Variants in SPSB2 observed in about 807,000 individuals in gnomAD.
SPSB2 encodes splA/ryanodine receptor domain and SOCS box containing 2.
SPSB2 carries 25 observed loss-of-function variants against 19.2 expected under a neutral mutation model. The observed-to-expected ratio is 1.30, with a 90% CI of 0.95 to 1.82. The LOEUF is 1.82. Among genes scored for constraint, SPSB2 ranks in the 40% most tolerant of loss-of-function variants. The pLI, the probability that SPSB2 is intolerant of heterozygous loss-of-function variation, is 0.00. For synonymous variants in SPSB2, 153 were observed against 154.9 expected, an observed-to-expected ratio of 0.99 and a Z score of 0.09; for missense variants, 413 against 344.9, an observed-to-expected ratio of 1.20 and a Z score of -1.56.
At position 6,872,875 on chromosome 12, in the gene SPSB2, G is replaced by GC. The variant is rs1222214519; in HGVS notation, c.26dup (p.Ser10GlnfsTer13). The GC allele has an allele frequency of 6.3e-7, 1 of 1,589,886 alleles. No individual in the cohort carries two copies. Among genetic ancestry groups the GC allele is most frequent in the Non-Finnish European group, 8.6e-7 (1 of 1,164,338 alleles). On this transcript the variant is annotated frameshift_variant, in exon 2 of 3. Coordinates refer to ENST00000524270, the MANE Select transcript of SPSB2 (RefSeq NM_032641.4). LOFTEE classifies it high-confidence loss of function. ...CCTGTGGCGTGGGGGTGCTGCTGCT[G>GC]CCCCCTGCCAGAGCTGTCTGGCCCA...
rs61739339 is a variant in SPSB2 at position 6,872,645 on chromosome 12, C to T, written c.257G>A (p.Arg86Lys). The change falls in exon 2 of 3, where the codon AGG becomes AAG. Residue 86 changes from arginine (R) to lysine (K), a missense_variant. Transcript: ENST00000524270. ...GCTGATCTCCCAGGCGTGCAGGCCC[C>T]TTGAATAGCCCCTCTTACCCCGGGC... Reference protein sequence around the residue: ...DGARGKRGYSRGLHAWEISWP... With the variant: ...DGARGKRGYSKGLHAWEISWP... 17 of 1,611,772 alleles carry T rather than the reference C, an allele frequency of 1.1e-5. No individual in the cohort carries two copies. The highest frequency in any genetic ancestry group is 1.6e-4 in the Middle Eastern group (1 of 6,084).
Position 6,872,242 on chromosome 12 carries a change from C to G in SPSB2, c.660G>C (p.Arg220Ser). The G allele has an allele frequency of 6.2e-7, 1 of 1,614,144 alleles. No homozygotes were observed. The highest frequency in any genetic ancestry group is 8.5e-7 in the Non-Finnish European group (1 of 1,180,042). The change falls in exon 2 of 3, where the codon AGG becomes AGC. Residue 220 changes from arginine to serine, a missense_variant. Arg to Ser is a moderately radical substitution (Grantham distance 110, BLOSUM62 -1). Coordinates refer to ENST00000524270, the MANE Select transcript of SPSB2 (RefSeq NM_032641.4). ...CACGTCTGCCCCAGGCCTCACCTCT[C>G]CTTTCGCCCAGGTAGCGGATGCGGA... ...CQVRIRYLGERRAEPHSLLHL... is the reference protein window; with the variant it reads ...CQVRIRYLGESRAEPHSLLHL...
At position 6,871,076 on chromosome 12, in the gene SPSB2, G is replaced by A; in HGVS notation, c.*116C>T. On this transcript the variant is annotated 3_prime_UTR_variant, in exon 3 of 3. Transcript: ENST00000524270. The stretch of plus-strand genomic sequence containing the variant: ...TGATTTCCGCAGAGCTTGGGTTGGG[G>A]TAGGGGCTCAGCCTCACCAGCTTTC... 1 of 1,353,236 alleles carries A rather than the reference G, an allele frequency of 7.4e-7. No individual in the cohort carries two copies. The highest frequency in any genetic ancestry group is 1.0e-6 in the Non-Finnish European group (1 of 983,768). 83.8% of individuals were successfully genotyped at this position (1,353,236 alleles called of 1,614,324 possible).
rs1280174468 is a variant in SPSB2, at chr12:6,872,949, C to A, written c.-48G>T. The A allele has an allele frequency of 7.4e-7, 1 of 1,345,658 alleles. No individual in the cohort carries two copies. The highest frequency in any genetic ancestry group is 1.0e-6 in the Non-Finnish European group (1 of 985,840). 83.4% of individuals were successfully genotyped at this position (1,345,658 alleles called of 1,614,324 possible). On this transcript the variant is annotated 5_prime_UTR_variant, in exon 2 of 3. Coordinates refer to ENST00000524270, the MANE Select transcript of SPSB2 (RefSeq NM_032641.4). ...CCCCGAAAGAGGCTTGCTGGGGCGT[C>A]TTTCTCTTCTGAAAGTTGAGCTCCA...
intron 2 of SPSB2, 111 bp downstream of exon 2, chr12:6,872,127 G>A (rs1334566652): frequency 1.1e-5 from 17 of 1,612,782 alleles, no homozygotes; most frequent in Middle Eastern, 1.6e-4. Flanking sequence ...AACAGAGGTT[G>A]AGGCAGGCTG....
Position 6,871,064 on chromosome 12 carries a change from G to C in SPSB2, c.*128C>G. ...CTCTGGGGCTGTTGATTTCCGCAGA[G>C]CTTGGGTTGGGGTAGGGGCTCAGCC... is the stretch of plus-strand genomic sequence containing the variant. On this transcript the variant is annotated 3_prime_UTR_variant, in exon 3 of 3. Transcript: ENST00000524270. 8.1e-7 allele frequency: 1 copy of C among 1,229,780 alleles called. No homozygotes were observed. The highest frequency in any genetic ancestry group is 1.1e-6 in the Non-Finnish European group (1 of 876,568). 76.2% of individuals were successfully genotyped at this position (1,229,780 alleles called of 1,614,324 possible).
rs1332850898 is a variant in SPSB2 at position 6,872,796 on chromosome 12, G to A, written c.106C>T (p.Pro36Ser). ...CGCTGGGCCCCCAGGTCAGGAGGGG[G>A]TGCAGACAGCAGCTCTTCCAAGCCC... ...PEGLEELLSAPPPDLGAQRRH... is the reference protein window; with the variant it reads ...PEGLEELLSASPPDLGAQRRH... Residue 36 changes from proline (P) to serine (S), a missense_variant, in exon 2 of 3, where the codon CCC becomes TCC. Pro to Ser is a moderately conservative substitution (Grantham distance 74, BLOSUM62 -1). Coordinates refer to ENST00000524270, the MANE Select transcript of SPSB2 (RefSeq NM_032641.4). 1.2e-5 allele frequency: 19 copies of A among 1,611,998 alleles called. No homozygotes were observed. The highest frequency in any genetic ancestry group is 1.6e-5 in the Non-Finnish European group (19 of 1,180,000).
chr12:6,872,859 TG>T lies in SPSB2; in HGVS notation c.42del (p.Thr15ArgfsTer83). On this transcript the variant is annotated frameshift_variant, in exon 2 of 3. Transcript: ENST00000524270. LOFTEE classifies it high-confidence loss of function. ...AGGTCAGGGTACAGGGCCTGTGGCGTGGGGGTGCTGCTGCTGCCCCCTGCCA... is the reference window on the plus strand; with the variant it reads ...AGGTCAGGGTACAGGGCCTGTGGCGTGGGGTGCTGCTGCTGCCCCCTGCCA... ...TALAGGSSST[P>X]TPQALYPDLS... The T allele has an allele frequency of 6.3e-7, 1 of 1,597,826 alleles. No individual in the cohort carries two copies.
Position 6,872,546 on chromosome 12 carries a change from T to C in SPSB2, c.356A>G (p.His119Arg), listed in dbSNP as rs782637463. The change falls in exon 2 of 3, where the codon CAC becomes CGC. Residue 119 changes from histidine (H) to arginine (R), a missense_variant. Coordinates refer to ENST00000524270, the MANE Select transcript of SPSB2 (RefSeq NM_032641.4). ...ATALAPLQTD[H>R]YAALLGSNSE... ...GTTGCTGCCCAGCAGCGCCGCGTAG[T>C]GGTCAGTCTGCAGCGGGGCGAGGGC... 10 of 1,610,814 alleles carry C rather than the reference T, an allele frequency of 6.2e-6. No individual in the cohort carries two copies. In the East Asian group the frequency reaches 2.2e-4, roughly 36 times the overall value.
rs1488827046 is a variant in SPSB2, at chr12:6,872,391, G to C, written c.511C>G (p.Leu171Val). The C allele has an allele frequency of 6.2e-7, 1 of 1,614,100 alleles. No homozygotes were observed. The highest frequency in any genetic ancestry group is 1.3e-5 in the African/African-American group (1 of 74,936). ...LEVPERLLVVLDMEEGTLGYA... is the reference protein window; with the variant it reads ...LEVPERLLVVVDMEEGTLGYA... ...CCCAGAGTTCCCTCCTCCATGTCCA[G>C]AACCACCAGCAGTCTCTCTGGCACC... The change falls in exon 2 of 3, where the codon CTG (leucine) becomes GTG (valine). Residue 171 changes from leucine to valine, a missense_variant. Leu to Val is a conservative substitution (Grantham distance 32). Coordinates refer to ENST00000524270, the MANE Select transcript of SPSB2 (RefSeq NM_032641.4).
intron 2 of SPSB2, 143 bp downstream of exon 2, chr12:6,872,095 C>G: frequency 6.2e-7 from 1 of 1,605,516 alleles, no homozygotes; most frequent in African/African-American, 1.3e-5. Flanking sequence ...GCTGTGAAGA[C>G]CCCTAGCCTT....
At chr12:6,871,375 C>T in intron 2 of SPSB2, 56 bp from the exon 3 acceptor site, 1 of 1,573,402 alleles carries the variant, frequency 6.4e-7, no homozygotes. Flanking sequence ...GCCAGATGTC[C>T]TCAAACTACG....
intron 2 of SPSB2, chr12:6,871,750 C>T (rs1442942666): frequency 2.8e-6 from 1 of 361,500 alleles, no homozygotes; most frequent in Non-Finnish European, 5.0e-6. Context: ...CTCCACTGCT[C>T]TCCTCCCTGG....
intron 2 of SPSB2, 122 bp downstream of exon 2, chr12:6,872,116 G>T: frequency 6.2e-7 from 1 of 1,612,382 alleles, no homozygotes; most frequent in Non-Finnish European, 8.5e-7. Flanking sequence ...TCCCAGCACT[G>T]AACAGAGGTT....
chr12:6,872,729 T>C lies in SPSB2; in HGVS notation c.173A>G (p.Glu58Gly). ...AAAGTACAACCCTCCTTCCTTGACC[T>C]CGATGTTCTCTGAACAGTCTTTGGG... is the stretch of plus-strand genomic sequence containing the variant. ...WNPKDCSENI[E>G]VKEGGLYFER... The change falls in exon 2 of 3, where the codon GAG becomes GGG. Residue 58 changes from glutamate to glycine, a missense_variant. Glu to Gly is a moderately conservative substitution (Grantham distance 98). Transcript: ENST00000524270. 1 of 1,612,906 alleles carries C rather than the reference T, an allele frequency of 6.2e-7. No homozygotes were observed. The highest frequency in any genetic ancestry group is 8.5e-7 in the Non-Finnish European group (1 of 1,180,040).
Position 6,872,152 on chromosome 12 carries a change from C to A in SPSB2, c.664+86G>T, listed in dbSNP as rs1944607832. Reference sequence around the variant, plus strand: ...GAGGCAGGCTGGATGAAGGTCCATCCCCTCTGCTCTTGTCAGAAGAGTTTC... The same window carrying A: ...GAGGCAGGCTGGATGAAGGTCCATCACCTCTGCTCTTGTCAGAAGAGTTTC... On this transcript the variant is annotated intron_variant, in intron 2 of 2. Coordinates refer to ENST00000524270, the MANE Select transcript of SPSB2 (RefSeq NM_032641.4). 1.9e-6 allele frequency: 3 copies of A among 1,613,154 alleles called. No individual in the cohort carries two copies. In the East Asian group the frequency reaches 6.7e-5, roughly 36 times the overall value.
chr12:6,871,089 C>A lies in SPSB2; in HGVS notation c.*103G>T. 1 of 1,443,820 alleles carries A rather than the reference C, an allele frequency of 6.9e-7. No individual in the cohort carries two copies. The allele number at this position is 1,443,820 out of a possible 1,614,324, so 89.4% of individuals were successfully genotyped here. A position where few individuals can be genotyped will look rare whatever the true frequency, so the allele number is the denominator to read the frequency against. ...GCTTGGGTTGGGGTAGGGGCTCAGC[C>A]TCACCAGCTTTCAGCAGCTGGTCTA... On this transcript the variant is annotated 3_prime_UTR_variant, in exon 3 of 3. Transcript: ENST00000524270.
rs1378304576 is a variant in SPSB2 at position 6,871,024 on chromosome 12, C to T, written c.*168G>A. Reference sequence around the variant, plus strand: ...GCCTTGAACGCCGGCTCCCTTTCTTCCTCCCTCCAAGTGGCTCTGGGGCTG... The same window carrying T: ...GCCTTGAACGCCGGCTCCCTTTCTTTCTCCCTCCAAGTGGCTCTGGGGCTG... On this transcript the variant is annotated 3_prime_UTR_variant, in exon 3 of 3. Transcript: ENST00000524270. The T allele has an allele frequency of 7.5e-6, 6 of 799,146 alleles. No homozygotes were observed. The highest frequency in any genetic ancestry group is 2.3e-5 in the Admixed American group (1 of 43,808). The allele number at this position is 799,146 out of a possible 1,614,324, so 49.5% of individuals were successfully genotyped here.
chr12:6,871,806 G>T, intron 2 of SPSB2: 1 of 446,918 alleles, frequency 2.2e-6, no homozygotes. Flanking sequence ...GCTGAGGAAG[G>T]AAGTAGGTAT....
Sources: allele counts gnomAD v4.1 joint callset, GRCh38; gene constraint gnomAD v4.1.1; transcripts MANE v1.5; gene names NCBI Gene and HGNC (gene_info 2026-07-23, HGNC 2026-07-21).